The following CNTNAP4 variants were observed in gnomAD, a reference collection of about 807,000 sequenced individuals.
CNTNAP4 encodes contactin associated protein family member 4.
CNTNAP4 carries 98 observed loss-of-function variants against 148.4 expected under a neutral mutation model. The ratio of observed to expected loss-of-function variants is 0.66; its 90% CI spans 0.56 to 0.78. The LOEUF (loss-of-function observed/expected upper bound fraction) is 0.78, where lower values mean the gene tolerates loss of function less well. Ranked by LOEUF, CNTNAP4 falls within the 30% of genes least tolerant of loss-of-function variation. The probability of loss-of-function intolerance (pLI) is 0.00; values close to 1 mark genes in which losing one functional copy is unlikely to be tolerated. For missense variants in CNTNAP4, 1,935 were observed against 1,565.6 expected, an observed-to-expected ratio of 1.24 and a Z score of -3.98; for synonymous variants, 730 against 565.1, an observed-to-expected ratio of 1.29 and a Z score of -4.14.
intron 12 of CNTNAP4, among the ~76,000 whole-genome samples, chr16:76,481,588 A>G (rs940103554): frequency 6.6e-6 from 1 of 152,112 alleles, no homozygotes; most frequent in Non-Finnish European, 1.5e-5. Flanking sequence ...TCCCGGGGCT[A>G]GTATGGAGTG....
intron 4 of CNTNAP4, among the ~76,000 whole-genome samples, chr16:76,432,766 T>C (rs951060927): frequency 1.3e-5 from 2 of 152,174 alleles, no homozygotes; most frequent in Non-Finnish European, 2.9e-5. Context: ...TTTCCTTTTC[T>C]CTAGTTACTG....
chr16:76,474,438 GT>G (rs569134824), intron 10 of CNTNAP4, among the ~76,000 whole-genome samples: 87 of 152,184 alleles, frequency 5.7e-4, no homozygotes, highest in African/African-American at 1.9e-3. Flanking sequence ...AGAGGGGAAT[GT>G]TAGTACCATT....
intron 21 of CNTNAP4, among the ~76,000 whole-genome samples, chr16:76,541,256 A>C (rs2084441996): frequency 6.6e-6 from 1 of 152,186 alleles, no homozygotes; most frequent in Non-Finnish European, 1.5e-5. Context: ...GCTTTGTTGC[A>C]ATGTTGCCCT....
At chr16:76,329,977 A>G (rs892120845) in intron 2 of CNTNAP4, among the ~76,000 whole-genome samples, 1 of 152,196 alleles carries the variant, frequency 6.6e-6, no homozygotes, top group Non-Finnish European at 1.5e-5. Flanking sequence ...CCTTCGCCAG[A>G]GCCTCGGGAG....
intron 12 of CNTNAP4, among the ~76,000 whole-genome samples, chr16:76,487,729 G>C (rs1264045395): frequency 6.6e-6 from 1 of 152,136 alleles, no homozygotes; most frequent in East Asian, 1.9e-4. Context: ...CTTTTTATTA[G>C]AGAATAAAAT....
intron 15 of CNTNAP4, among the ~76,000 whole-genome samples, chr16:76,499,525 A>C (rs9922701): frequency 0.84 from 126,795 of 151,324 alleles, 54,016 homozygotes; most frequent in East Asian, 0.97. Flanking sequence ...AATTTTCTAG[A>C]TAAAACTCCA....
At chr16:76,344,251 T>G (rs746811413) in intron 2 of CNTNAP4, among the ~76,000 whole-genome samples, 15 of 152,236 alleles carry the variant, frequency 9.9e-5, no homozygotes, top group Non-Finnish European at 1.8e-4. Flanking sequence ...AAAAAATCAT[T>G]GTGATGCCCA....
chr16:76,516,053 G>A (rs566538620), intron 15 of CNTNAP4, among the ~76,000 whole-genome samples: 2 of 152,048 alleles, frequency 1.3e-5, no homozygotes, highest in Non-Finnish European at 2.9e-5. Flanking sequence ...TTTAAGCCCC[G>A]CATCCATTAG....
intron 2 of CNTNAP4, among the ~76,000 whole-genome samples, chr16:76,349,838 GTC>G (rs968983764): frequency 2.0e-5 from 3 of 151,860 alleles, no homozygotes; most frequent in Non-Finnish European, 2.9e-5. Flanking sequence ...AATTCCTTCT[GTC>G]TCTGCAGTCT....
At chr16:76,495,477 A>G (rs2082370518) in intron 14 of CNTNAP4, among the ~76,000 whole-genome samples, 3 of 152,100 alleles carry the variant, frequency 2.0e-5, no homozygotes, top group African/African-American at 7.2e-5. Flanking sequence ...TTAACATGCA[A>G]TTGTTTTATA....
intron 2 of CNTNAP4, among the ~76,000 whole-genome samples, chr16:76,339,259 G>C (rs551205330): frequency 6.6e-6 from 1 of 152,122 alleles, no homozygotes; most frequent in East Asian, 1.9e-4. Context: ...TTAACAATTG[G>C]AAATGTCTTA....
chr16:76,448,730 G>T, intron 5 of CNTNAP4, 37 bp from the exon 6 acceptor site: 3 of 1,451,544 alleles, frequency 2.1e-6, no homozygotes, highest in Middle Eastern at 1.8e-4. Flanking sequence ...TCTTTAGACT[G>T]GCAATAATGG....
At position 76,383,836 on chromosome 16, in the gene CNTNAP4, C is replaced by T. The variant is rs115796751; in HGVS notation, c.390+28325C>T. Among the ~76,000 whole-genome samples the T allele has an allele frequency of 8.7e-3, 1,316 of 152,030 alleles. 23 individuals carry two copies. Among genetic ancestry groups the T allele is most frequent in the African/African-American group, 0.03 (1,248 of 41,466 alleles). On this transcript the variant is annotated intron_variant, in intron 3 of 23. Transcript: ENST00000611870. ...AACTTGGAGGGGACATGGGTGTAGG[C>T]GAAATAAAATTGGTCCTGAGTTCGT...
In CNTNAP4 at chr16:76,334,741, T is replaced by C. The variant is rs371076389; in HGVS notation, c.196+18218T>C. On this transcript the variant is annotated intron_variant, in intron 2 of 23. Transcript: ENST00000611870. ...TCAAAAGACACTGTCAAAACCCATGTATTTTTTAGTGGCTTTGGACGTGCA... is the reference window on the plus strand; with the variant it reads ...TCAAAAGACACTGTCAAAACCCATGCATTTTTTAGTGGCTTTGGACGTGCA... Among the ~76,000 whole-genome samples, 5 of 152,258 alleles carry C rather than the reference T, an allele frequency of 3.3e-5. No homozygotes were observed. The East Asian group carries it at 7.7e-4, about 24-fold the overall frequency.
At position 76,316,399 on chromosome 16, in the gene CNTNAP4, G is replaced by T. The variant is rs761457169; in HGVS notation, c.86-14G>T. The T allele has an allele frequency of 6.3e-7, 1 of 1,595,704 alleles. No homozygotes were observed. The highest frequency in any genetic ancestry group is 1.1e-5 in the South Asian group (1 of 90,618). On this transcript the variant is annotated splice_polypyrimidine_tract_variant and intron_variant, in intron 1 of 23. Transcript: ENST00000611870. ...CACTAACTAACCCTAACGTGGCATT[G>T]TTCCTCCTGGCAGATGACTGTGATG...
At chr16:76,383,033 C>T (rs1424673835) in intron 3 of CNTNAP4, among the ~76,000 whole-genome samples, 1 of 151,760 alleles carries the variant, frequency 6.6e-6, no homozygotes, top group Non-Finnish European at 1.5e-5. Flanking sequence ...TCTTATCCAT[C>T]TTTATGGGAA....
At chr16:76,539,654 T>C in intron 19 of CNTNAP4, 65 bp from the exon 20 acceptor site, 1 of 1,379,500 alleles carries the variant, frequency 7.2e-7, no homozygotes, top group Non-Finnish European at 9.9e-7. Flanking sequence ...TCACTCTGAT[T>C]TTTAAGTAAG....
At chr16:76,328,551 C>G (rs776350796) in intron 2 of CNTNAP4, among the ~76,000 whole-genome samples, 1 of 152,100 alleles carries the variant, frequency 6.6e-6, no homozygotes, top group Non-Finnish European at 1.5e-5. Context: ...TTAGTAAAAA[C>G]TAAGGAGATC....
At chr16:76,467,837 A>G (rs2081232217) in intron 10 of CNTNAP4, among the ~76,000 whole-genome samples, 1 of 152,106 alleles carries the variant, frequency 6.6e-6, no homozygotes, top group South Asian at 2.1e-4. Context: ...ATGTCATTAA[A>G]CTCAATATAT....
Sources: allele counts gnomAD v4.1 joint callset (sites outside exome capture counted in the v4.1 genomes callset), GRCh38; gene constraint gnomAD v4.1.1; transcripts MANE v1.5; gene names NCBI Gene and HGNC (gene_info 2026-07-23, HGNC 2026-07-21).